The following ARL15 variants were observed in gnomAD, a reference collection of about 807,000 sequenced individuals.
ARL15 encodes ARF like GTPase 15.
ARL15 carries 19 observed loss-of-function variants against 25.2 expected under a neutral mutation model. The observed-to-expected ratio is 0.75, with a 90% CI of 0.53 to 1.10. ARL15 has a LOEUF of 1.10. ARL15 is among the 50% of genes least tolerant of loss of function. The pLI, the probability that ARL15 is intolerant of heterozygous loss-of-function variation, is 0.00. For missense variants in ARL15, 220 were observed against 246.0 expected (o/e 0.89, Z 0.71); for synonymous variants, 94 against 86.8 (o/e 1.08, Z -0.46).
chr5:53,995,413 G>T (rs1380525875), intron 4 of ARL15, among the ~76,000 whole-genome samples: 1 of 150,650 alleles, frequency 6.6e-6, no homozygotes, highest in African/African-American at 2.4e-5. Flanking sequence ...TACATTAGGG[G>T]TGTGCAATAA....
At chr5:54,043,843 T>A (rs1241130689) in intron 4 of ARL15, among the ~76,000 whole-genome samples, 1 of 125,984 alleles carries the variant, frequency 7.9e-6, no homozygotes, top group African/African-American at 2.7e-5. Context: ...AGACCCCATC[T>A]CTTAAAAAAA....
chr5:53,960,268 A>T (rs945408684), intron 4 of ARL15, among the ~76,000 whole-genome samples: 1 of 152,226 alleles, frequency 6.6e-6, no homozygotes, highest in Non-Finnish European at 1.5e-5. Context: ...CATATTCTAA[A>T]GGGATATTAA....
At chr5:53,905,181 A>G (rs953376724) in intron 4 of ARL15, among the ~76,000 whole-genome samples, 31 of 152,162 alleles carry the variant, frequency 2.0e-4, no homozygotes, top group African/African-American at 7.5e-4. Context: ...ATTAACACCC[A>G]CTTCAGTCTG....
intron 1 of ARL15, among the ~76,000 whole-genome samples, chr5:54,284,424 T>C (rs867193320): frequency 6.6e-6 from 1 of 152,176 alleles, no homozygotes; most frequent in South Asian, 2.1e-4. Flanking sequence ...GTTTAAAAAT[T>C]GTTGTGTGTC....
At chr5:54,123,131 C>A (rs573924463) in intron 3 of ARL15, among the ~76,000 whole-genome samples, 1 of 146,460 alleles carries the variant, frequency 6.8e-6, no homozygotes, top group African/African-American at 2.5e-5. Context: ...TTTTTTGAGA[C>A]GGAGTTTCGC....
At chr5:54,111,494 C>A (rs1194658511) in intron 4 of ARL15, among the ~76,000 whole-genome samples, 1 of 152,002 alleles carries the variant, frequency 6.6e-6, no homozygotes, top group Non-Finnish European at 1.5e-5. Flanking sequence ...TGGAGGGTAA[C>A]CATAAGTCAT....
At chr5:54,134,253 T>C (rs1371216859) in intron 3 of ARL15, among the ~76,000 whole-genome samples, 1 of 152,178 alleles carries the variant, frequency 6.6e-6, no homozygotes, top group Non-Finnish European at 1.5e-5. Flanking sequence ...GTTGGTACAT[T>C]TGGGGAATAC....
At chr5:54,014,889 AT>A (rs1302514941) in intron 4 of ARL15, among the ~76,000 whole-genome samples, 2 of 152,048 alleles carry the variant, frequency 1.3e-5, no homozygotes, top group Non-Finnish European at 2.9e-5. Flanking sequence ...AAGTTAATAT[AT>A]TTGTGTGCCT....
chr5:54,042,563 T>C (rs949772848), intron 4 of ARL15, among the ~76,000 whole-genome samples: 2 of 152,226 alleles, frequency 1.3e-5, no homozygotes, highest in South Asian at 4.1e-4. Flanking sequence ...AACTGGACTC[T>C]TGGAGCATCT....
intron 3 of ARL15, among the ~76,000 whole-genome samples, chr5:54,135,963 A>G (rs1753590165): frequency 6.6e-6 from 1 of 152,202 alleles, no homozygotes; most frequent in Admixed American, 6.5e-5. Flanking sequence ...GCCCACTCTG[A>G]GTTCCAGAGT....
intron 4 of ARL15, among the ~76,000 whole-genome samples, chr5:54,109,035 T>C (rs924794040): frequency 2.6e-5 from 4 of 152,022 alleles, no homozygotes; most frequent in African/African-American, 9.7e-5. Context: ...TTTCTCGCAT[T>C]TATATCTTGT....
chr5:54,205,765 C>T (rs1469940305), intron 1 of ARL15, among the ~76,000 whole-genome samples: 1 of 152,188 alleles, frequency 6.6e-6, no homozygotes, highest in African/African-American at 2.4e-5. Flanking sequence ...CCTCTAGGAA[C>T]TCCTGGTCAA....
chr5:54,069,506 G>T (rs1431513158), intron 4 of ARL15, among the ~76,000 whole-genome samples: 6 of 141,478 alleles, frequency 4.2e-5, no homozygotes, highest in African/African-American at 1.6e-4. Flanking sequence ...GGGAGGTGGA[G>T]GTTGCAGTGA....
intron 4 of ARL15, among the ~76,000 whole-genome samples, chr5:54,090,785 C>T (rs966348606): frequency 2.0e-5 from 3 of 152,100 alleles, no homozygotes; most frequent in Non-Finnish European, 4.4e-5. Context: ...TGCCATGGGA[C>T]TCTCTTTTAA....
chr5:54,024,657 C>T (rs995146785), intron 4 of ARL15, among the ~76,000 whole-genome samples: 1 of 152,120 alleles, frequency 6.6e-6, no homozygotes, highest in South Asian at 2.1e-4. Context: ...CATCATAACA[C>T]ATAACCCTAT....
intron 4 of ARL15, among the ~76,000 whole-genome samples, chr5:54,018,237 G>T (rs1053719495): frequency 9.2e-5 from 14 of 152,202 alleles, no homozygotes; most frequent in Admixed American, 8.5e-4. Flanking sequence ...CACTTTAAAG[G>T]TTTAGTGGAT....
intron 4 of ARL15, among the ~76,000 whole-genome samples, chr5:53,938,264 C>A (rs1746417466): frequency 1.3e-5 from 2 of 149,306 alleles, no homozygotes; most frequent in South Asian, 4.2e-4. Flanking sequence ...AAAAAAAAAT[C>A]AAAATTTTAA....
chr5:54,092,785 A>T (rs1018060962), intron 4 of ARL15, among the ~76,000 whole-genome samples: 17 of 152,160 alleles, frequency 1.1e-4, no homozygotes, highest in African/African-American at 3.9e-4. Flanking sequence ...AATCCAGAGG[A>T]TCTTTAGGCG....
At position 54,275,625 on chromosome 5, in the gene ARL15, A is replaced by G. The variant is rs139561520; in HGVS notation, c.48+34807T>C. 3.8e-3 allele frequency among the ~76,000 whole-genome samples: 586 copies of G among 152,316 alleles called. 2 individuals carry two copies. Among genetic ancestry groups the G allele is most frequent in the Non-Finnish European group, 6.2e-3 (419 of 68,024 alleles). On this transcript the variant is annotated intron_variant, in intron 1 of 4. Coordinates refer to ENST00000504924, the MANE Select transcript of ARL15 (RefSeq NM_019087.3). ...AGCCTGAGCGCCTGACTCATGAAGCAAAGAGCTAGATTCCAAAGTGACTAC... is the reference window on the plus strand; with the variant it reads ...AGCCTGAGCGCCTGACTCATGAAGCGAAGAGCTAGATTCCAAAGTGACTAC...
Sources: allele counts gnomAD v4.1 joint callset (sites outside exome capture counted in the v4.1 genomes callset), GRCh38; gene constraint gnomAD v4.1.1; transcripts MANE v1.5; gene names NCBI Gene and HGNC (gene_info 2026-07-23, HGNC 2026-07-21).